The following FGF12 variants were observed in gnomAD, a reference collection of about 807,000 sequenced individuals.
FGF12 encodes fibroblast growth factor 12, also known as fibroblast growth factor 12B.
In FGF12, 14 loss-of-function variants were observed where a neutral mutation model predicts 23.6. The ratio of observed to expected loss-of-function variants is 0.59; its 90% CI spans 0.39 to 0.93. FGF12 has a LOEUF of 0.93. Ranked by LOEUF, FGF12 falls within the 40% of genes least tolerant of loss-of-function variation. The pLI is 0.00. For missense variants in FGF12, 175 were observed against 217.8 expected (o/e 0.80, Z 1.24); for synonymous variants, 62 against 77.3 (o/e 0.80, Z 1.04).
At chr3:192,225,931 T>A (rs936474958) in intron 4 of FGF12, among the ~76,000 whole-genome samples, 5 of 152,164 alleles carry the variant, frequency 3.3e-5, no homozygotes, top group Non-Finnish European at 5.9e-5. Context: ...AGTAAACTGA[T>A]GGCTGCCAGG....
intron 2 of FGF12, among the ~76,000 whole-genome samples, chr3:192,414,643 A>G (rs547050862): frequency 6.6e-6 from 1 of 152,204 alleles, no homozygotes; most frequent in Non-Finnish European, 1.5e-5. Flanking sequence ...GACTCCAATA[A>G]GTAATGTGAT....
intron 2 of FGF12, among the ~76,000 whole-genome samples, chr3:192,527,703 T>G (rs900305996): frequency 6.6e-6 from 1 of 152,186 alleles, no homozygotes; most frequent in African/African-American, 2.4e-5. Flanking sequence ...GGTGTATTAG[T>G]CCATTTTCAT....
At chr3:192,364,676 A>G (rs1718890867) in intron 2 of FGF12, among the ~76,000 whole-genome samples, 1 of 152,204 alleles carries the variant, frequency 6.6e-6, no homozygotes, top group African/African-American at 2.4e-5. Context: ...CCTAGGGGCT[A>G]TAGAAACAAC....
At chr3:192,274,734 T>A (rs1050180773) in intron 4 of FGF12, among the ~76,000 whole-genome samples, 3 of 152,226 alleles carry the variant, frequency 2.0e-5, no homozygotes, top group Non-Finnish European at 2.9e-5. Flanking sequence ...ATGACTGATG[T>A]TCAGATAAGG....
chr3:192,393,568 A>G (rs1420097638), intron 2 of FGF12, among the ~76,000 whole-genome samples: 1 of 152,176 alleles, frequency 6.6e-6, no homozygotes, highest in Non-Finnish European at 1.5e-5. Flanking sequence ...CAAAAGATAA[A>G]ACTGAATTTT....
chr3:192,476,102 G>A (rs1042696492), intron 2 of FGF12, among the ~76,000 whole-genome samples: 2 of 152,038 alleles, frequency 1.3e-5, no homozygotes, highest in African/African-American at 4.8e-5. Context: ...GCAGCTCCAG[G>A]TGAGATGACA....
At chr3:192,175,951 T>TACC (rs1320322626) in intron 4 of FGF12, among the ~76,000 whole-genome samples, 1 of 152,186 alleles carries the variant, frequency 6.6e-6, no homozygotes, top group Non-Finnish European at 1.5e-5. Context: ...TCTTAGGGTC[T>TACC]ACCACTGCCC....
intron 2 of FGF12, among the ~76,000 whole-genome samples, chr3:192,393,687 G>A (rs1354007718): frequency 6.6e-6 from 1 of 152,040 alleles, no homozygotes; most frequent in Non-Finnish European, 1.5e-5. Context: ...TAATATACAT[G>A]AATAAAATTC....
intron 2 of FGF12, among the ~76,000 whole-genome samples, chr3:192,674,438 T>C (rs1717248733): frequency 6.6e-6 from 1 of 152,278 alleles, no homozygotes; most frequent in South Asian, 2.1e-4. Context: ...ATGAATAGTA[T>C]GTTAGAAAGA....
intron 2 of FGF12, among the ~76,000 whole-genome samples, chr3:192,590,810 G>C (rs1713582447): frequency 6.6e-6 from 1 of 151,656 alleles, no homozygotes; most frequent in Admixed American, 6.6e-5. Flanking sequence ...CTCAAAAGTG[G>C]CACCATCAAC....
At chr3:192,290,255 A>G (rs1450638694) in intron 4 of FGF12, among the ~76,000 whole-genome samples, 2 of 152,212 alleles carry the variant, frequency 1.3e-5, no homozygotes, top group Non-Finnish European at 1.5e-5. Context: ...GACTTATTCC[A>G]CTTTGTACAT....
chr3:192,531,306 C>T (rs1045567541), intron 2 of FGF12, among the ~76,000 whole-genome samples: 1 of 152,186 alleles, frequency 6.6e-6, no homozygotes, highest in African/African-American at 2.4e-5. Context: ...GAGAGCTACA[C>T]ATTGCTGAGT....
chr3:192,601,605 T>A (rs943228730), intron 2 of FGF12, among the ~76,000 whole-genome samples: 1 of 152,082 alleles, frequency 6.6e-6, no homozygotes, highest in African/African-American at 2.4e-5. Flanking sequence ...CACTGGTTGC[T>A]AGGGGTTAGT....
intron 2 of FGF12, among the ~76,000 whole-genome samples, chr3:192,594,407 T>C (rs1012992846): frequency 1.3e-5 from 2 of 151,840 alleles, no homozygotes; most frequent in African/African-American, 2.4e-5. Context: ...CCACACTTGC[T>C]TGTTAAGAAA....
At chr3:192,471,369 T>C (rs78905397) in intron 2 of FGF12, among the ~76,000 whole-genome samples, 1,924 of 152,340 alleles carry the variant, frequency 0.013, 44 homozygotes, top group African/African-American at 0.044. Context: ...ACAAAATTAT[T>C]TGTAATCATA....
At chr3:192,454,414 C>T (rs147662330) in intron 2 of FGF12, among the ~76,000 whole-genome samples, 35 of 152,136 alleles carry the variant, frequency 2.3e-4, no homozygotes, top group African/African-American at 3.4e-4. Context: ...TTTCCTGTTT[C>T]GTCAGCAGAA....
chr3:192,353,366 CTTTTTTT>C (rs34992097), intron 3 of FGF12, among the ~76,000 whole-genome samples: 18 of 98,408 alleles, frequency 1.8e-4, no homozygotes, highest in African/African-American at 7.2e-4. Context: ...GAGCAGAAGT[CTTTTTTT>C]TTTTTTTTTT....
chr3:192,562,719 C>A (rs1712098588), intron 2 of FGF12, among the ~76,000 whole-genome samples: 1 of 150,538 alleles, frequency 6.6e-6, no homozygotes, highest in Admixed American at 6.6e-5. Flanking sequence ...CTGGGTGATA[C>A]TAACCCTACC....
intron 2 of FGF12, among the ~76,000 whole-genome samples, chr3:192,523,695 C>T (rs1272488681): frequency 2.0e-5 from 3 of 152,214 alleles, no homozygotes; most frequent in Non-Finnish European, 4.4e-5. Flanking sequence ...CATTTCTATT[C>T]ACTGCACATT....
Sources: allele counts gnomAD v4.1 joint callset (sites outside exome capture counted in the v4.1 genomes callset), GRCh38; gene constraint gnomAD v4.1.1; transcripts MANE v1.5; gene names NCBI Gene and HGNC (gene_info 2026-07-23, HGNC 2026-07-21).